The following NEDD1 variants were observed in gnomAD, a reference collection of about 807,000 sequenced individuals.
The protein encoded by NEDD1 is NEDD1 gamma-tubulin ring complex targeting factor, also known as protein NEDD1.
Under a neutral mutation model 74.0 loss-of-function variants are expected in NEDD1, and 33 were observed. The ratio of observed to expected loss-of-function variants is 0.45; its 90% CI spans 0.34 to 0.60. The LOEUF (loss-of-function observed/expected upper bound fraction) is 0.60. Ranked by LOEUF, NEDD1 falls within the 20% of genes least tolerant of loss-of-function variation. NEDD1 has a pLI of 0.01. For missense variants in NEDD1, 746 were observed against 776.5 expected (o/e 0.96, Z 0.47); for synonymous variants, 250 against 264.4 (o/e 0.95, Z 0.53).
At chr12:96,944,227 A>G (rs189475296) in intron 12 of NEDD1, among the ~76,000 whole-genome samples, 61 of 152,184 alleles carry the variant, frequency 4.0e-4, no homozygotes, top group East Asian at 1.4e-3. Flanking sequence ...TGGGTATACA[A>G]TATGTCTGTA....
intron 6 of NEDD1, 31 bp downstream of exon 6, chr12:96,920,156 G>T (rs556586746): frequency 3.5e-6 from 5 of 1,412,556 alleles, no homozygotes; most frequent in Admixed American, 2.2e-5. Context: ...GAGTAAAATT[G>T]GTAAGATAGA....
In NEDD1 at chr12:96,944,769, C is replaced by A. The variant is rs778971959; in HGVS notation, c.1628C>A (p.Pro543His). The A allele has an allele frequency of 3.2e-6, 5 of 1,570,372 alleles. No individual in the cohort carries two copies. The South Asian group carries it at 6.0e-5, about 19-fold the overall frequency. The change falls in exon 13 of 16, where the codon CCC becomes CAC. Residue 543 changes from proline to histidine, a missense_variant. Transcript: ENST00000266742. ...ATTGAAGCCCAGTTGATATGTGAAC[C>A]CCCAATCAATGGATCCTCAACTCCA... Reference protein sequence around the residue: ...NEIEAQLICEPPINGSSTPNP... With the variant: ...NEIEAQLICEHPINGSSTPNP...
intron 13 of NEDD1, among the ~76,000 whole-genome samples, chr12:96,945,416 G>T (rs991030149): frequency 6.6e-6 from 1 of 151,968 alleles, no homozygotes; most frequent in South Asian, 2.1e-4. Flanking sequence ...TCTTTTATAA[G>T]AGGAAATGGT....
intron 6 of NEDD1, among the ~76,000 whole-genome samples, chr12:96,923,121 GAAA>G (rs74829808): frequency 6.8e-6 from 1 of 146,286 alleles, no homozygotes; most frequent in South Asian, 2.2e-4. Context: ...TGTCTCAAAA[GAAA>G]AAAAAAAGCA....
At chr12:96,941,411 G>A (rs1250902052) in intron 10 of NEDD1, among the ~76,000 whole-genome samples, 1 of 152,058 alleles carries the variant, frequency 6.6e-6, no homozygotes, top group Non-Finnish European at 1.5e-5. Flanking sequence ...GAATTATTGA[G>A]TATCTTCTGC....
At chr12:96,951,875 A>G (rs2136636165) in intron 15 of NEDD1, 74 bp from the exon 16 acceptor site, 2 of 773,632 alleles carry the variant, frequency 2.6e-6, no homozygotes, top group South Asian at 3.0e-5. Context: ...TGATAGCTGA[A>G]AGTATATTAA....
chr12:96,928,626 A>C (rs1246101007), intron 6 of NEDD1, among the ~76,000 whole-genome samples: 1 of 150,422 alleles, frequency 6.6e-6, no homozygotes, highest in Non-Finnish European at 1.5e-5. Context: ...TTTTTCTAGA[A>C]TATGTCTTGA....
Position 96,944,789 on chromosome 12 carries a change from A to C in NEDD1, c.1648A>C (p.Thr550Pro). 3 of 1,548,612 alleles carry C rather than the reference A, an allele frequency of 1.9e-6. No individual in the cohort carries two copies. Among genetic ancestry groups the C allele is most frequent in the South Asian group, 1.2e-5 (1 of 80,370 alleles). ...ICEPPINGSS[T>P]PNPKIASSVT... ...TGAACCCCCAATCAATGGATCCTCA[A>C]CTCCAAGTAAGTACATGAAACTTCC... Residue 550 changes from threonine to proline, a missense_variant, in exon 13 of 16, where the codon ACT becomes CCT. Thr to Pro is a conservative substitution (Grantham distance 38). Coordinates refer to ENST00000266742, the MANE Select transcript of NEDD1 (RefSeq NM_152905.4).
intron 4 of NEDD1, among the ~76,000 whole-genome samples, chr12:96,916,261 T>TTATTAC (rs1177024559): frequency 6.7e-6 from 1 of 149,774 alleles, no homozygotes; most frequent in Non-Finnish European, 1.5e-5. Context: ...ATTATTATTA[T>TTATTAC]TTTTAAATTA....
At chr12:96,940,853 C>T (rs1877594221) in intron 10 of NEDD1, among the ~76,000 whole-genome samples, 1 of 151,870 alleles carries the variant, frequency 6.6e-6, no homozygotes, top group Admixed American at 6.6e-5. Context: ...AATTAATGTT[C>T]CTAAAATTTT....
intron 2 of NEDD1, 85 bp from the exon 3 acceptor site, chr12:96,909,667 C>A: frequency 9.2e-7 from 1 of 1,084,030 alleles, no homozygotes; most frequent in South Asian, 1.6e-5. Context: ...GTTAGAGCCA[C>A]TTGTTTTAGA....
At chr12:96,908,160 C>G (rs1873524384) in intron 2 of NEDD1, among the ~76,000 whole-genome samples, 2 of 152,198 alleles carry the variant, frequency 1.3e-5, no homozygotes, top group Non-Finnish European at 2.9e-5. Flanking sequence ...GCTCCAAATC[C>G]AAACATTGTG....
chr12:96,910,619 C>CT (rs922277080), intron 3 of NEDD1, among the ~76,000 whole-genome samples: 2 of 152,188 alleles, frequency 1.3e-5, no homozygotes, highest in African/African-American at 4.8e-5. Context: ...TGGACCTTTC[C>CT]TGTATGTTGT....
intron 14 of NEDD1, 42 bp downstream of exon 14, chr12:96,945,891 G>T (rs767640001): frequency 3.4e-5 from 39 of 1,144,282 alleles, no homozygotes; most frequent in South Asian, 9.5e-5. Flanking sequence ...GACCTTACTT[G>T]TTTTTTTTTT....
In NEDD1 at chr12:96,943,673, G is replaced by A; in HGVS notation, c.1408G>A (p.Gly470Arg). 2 of 1,612,036 alleles carry A rather than the reference G, an allele frequency of 1.2e-6. No individual in the cohort carries two copies. Among genetic ancestry groups the A allele is most frequent in the Non-Finnish European group, 1.7e-6 (2 of 1,178,384 alleles). Residue 470 changes from glycine (G) to arginine (R), a missense_variant, in exon 12 of 16, where the codon GGG (glycine) becomes AGG (arginine). Coordinates refer to ENST00000266742, the MANE Select transcript of NEDD1 (RefSeq NM_152905.4). ...SPLNVFMGSP[G>R]KEENENRDLT... ...TCTTAATGTTTTTATGGGATCTCCA[G>A]GGAAAGAGGAAAATGAAAACCGTGA...
At chr12:96,926,162 G>A (rs1875667801) in intron 6 of NEDD1, among the ~76,000 whole-genome samples, 2 of 151,944 alleles carry the variant, frequency 1.3e-5, no homozygotes, top group Non-Finnish European at 2.9e-5. Context: ...AATACCTTTT[G>A]TGATTTACTT....
chr12:96,949,808 T>C (rs1216680363), intron 14 of NEDD1, among the ~76,000 whole-genome samples: 1 of 152,052 alleles, frequency 6.6e-6, no homozygotes, highest in African/African-American at 2.4e-5. Context: ...AATCAGTAAG[T>C]TGTGTTGTGA....
chr12:96,907,730 T>C lies in NEDD1; in HGVS notation c.-135T>C. The C allele has an allele frequency of 6.5e-7, 1 of 1,548,742 alleles. No homozygotes were observed. Among genetic ancestry groups the C allele is most frequent in the East Asian group, 2.4e-5 (1 of 40,842 alleles). ...AGTGGTGTAGTTGAATTGGTTCCTG[T>C]AGCCGCTGTCCCTAAACCCAGGCCG... On this transcript the variant is annotated 5_prime_UTR_variant, in exon 2 of 16. Coordinates refer to ENST00000266742, the MANE Select transcript of NEDD1 (RefSeq NM_152905.4).
At position 96,940,374 on chromosome 12, in the gene NEDD1, T is replaced by G. The variant is rs751807877; in HGVS notation, c.1118-35T>G. 4 of 1,350,448 alleles carry G rather than the reference T, an allele frequency of 3.0e-6. No homozygotes were observed. In the Middle Eastern group the frequency reaches 7.5e-4, roughly 252 times the overall value. The allele number at this position is 1,350,448 out of a possible 1,614,324, so 83.7% of individuals were successfully genotyped here. Reference sequence around the variant, plus strand: ...GCTTATGATAAAATTTATTTAGATGTAATAACATTGATTTTTATATCTAAT... The same window carrying G: ...GCTTATGATAAAATTTATTTAGATGGAATAACATTGATTTTTATATCTAAT... On this transcript the variant is annotated intron_variant, in intron 9 of 15. Transcript: ENST00000266742.
Sources: allele counts gnomAD v4.1 joint callset (sites outside exome capture counted in the v4.1 genomes callset), GRCh38; gene constraint gnomAD v4.1.1; transcripts MANE v1.5; gene names NCBI Gene and HGNC (gene_info 2026-07-23, HGNC 2026-07-21).